The following GRIK2 variants were observed in gnomAD, a reference collection of about 807,000 sequenced individuals.
GRIK2 encodes glutamate ionotropic receptor kainate type subunit 2, also known as glutamate receptor ionotropic, kainate 2.
GRIK2 carries 32 observed loss-of-function variants against 100.3 expected under a neutral mutation model. The ratio of observed to expected loss-of-function variants is 0.32; its 90% CI spans 0.24 to 0.43. GRIK2 has a LOEUF of 0.43. GRIK2 is among the 20% of genes least tolerant of loss of function. GRIK2 has a pLI of 1.00. For synonymous variants in GRIK2, 417 were observed against 389.4 expected (o/e 1.07, Z -0.83); for missense variants, 843 against 1,114.9 (o/e 0.76, Z 3.47).
At chr6:101,477,655 C>T (rs1284504637) in intron 2 of GRIK2, among the ~76,000 whole-genome samples, 4 of 152,188 alleles carry the variant, frequency 2.6e-5, no homozygotes, top group Admixed American at 2.0e-4. Context: ...GCACTGTTCA[C>T]ACTTGTTTAG....
intron 2 of GRIK2, among the ~76,000 whole-genome samples, chr6:101,525,536 G>A (rs1775108743): frequency 6.6e-6 from 1 of 152,114 alleles, no homozygotes; most frequent in Non-Finnish European, 1.5e-5. Context: ...GCAACATATA[G>A]GATCTTAGTT....
intron 7 of GRIK2, among the ~76,000 whole-genome samples, chr6:101,777,018 A>G (rs1259072942): frequency 6.6e-6 from 1 of 152,212 alleles, no homozygotes; most frequent in Non-Finnish European, 1.5e-5. Flanking sequence ...ACACCTGCCT[A>G]TGCACCATGT....
intron 2 of GRIK2, among the ~76,000 whole-genome samples, chr6:101,473,149 C>CTTCA (rs1772043413): frequency 8.6e-6 from 1 of 116,670 alleles, no homozygotes. Flanking sequence ...TCCTTCCTTC[C>CTTCA]TTCTTTCCTT....
intron 7 of GRIK2, among the ~76,000 whole-genome samples, chr6:101,785,188 C>A (rs920490363): frequency 2.6e-5 from 4 of 151,614 alleles, no homozygotes; most frequent in African/African-American, 9.7e-5. Context: ...GTTTGAGCTT[C>A]TTTTATATTC....
chr6:101,642,681 A>G (rs1781333690), intron 4 of GRIK2, among the ~76,000 whole-genome samples: 1 of 151,744 alleles, frequency 6.6e-6, no homozygotes, highest in Non-Finnish European at 1.5e-5. Flanking sequence ...TATTATAAAT[A>G]ATGCTGCTAT....
chr6:102,010,991 A>C (rs1795503522), intron 14 of GRIK2, among the ~76,000 whole-genome samples: 1 of 152,136 alleles, frequency 6.6e-6, no homozygotes. Context: ...AAGCTGCTGT[A>C]AACATTCATG....
At chr6:101,932,012 G>A (rs937788018) in intron 14 of GRIK2, among the ~76,000 whole-genome samples, 1 of 152,058 alleles carries the variant, frequency 6.6e-6, no homozygotes, top group Non-Finnish European at 1.5e-5. Flanking sequence ...AAGGCTAGGA[G>A]AATGGAAGCC....
At chr6:101,622,196 A>G (rs1780197310) in intron 3 of GRIK2, 80 bp downstream of exon 3, 2 of 793,518 alleles carry the variant, frequency 2.5e-6, no homozygotes, top group Non-Finnish European at 4.1e-6. Flanking sequence ...TTATTTTTCA[A>G]CATACAGTTA....
chr6:101,670,633 C>G (rs1468143531), intron 4 of GRIK2, among the ~76,000 whole-genome samples: 2 of 152,084 alleles, frequency 1.3e-5, no homozygotes, highest in Non-Finnish European at 2.9e-5. Context: ...TAATATGTAA[C>G]TATATAACGC....
At chr6:101,873,881 G>A (rs1426707749) in intron 11 of GRIK2, among the ~76,000 whole-genome samples, 1 of 152,124 alleles carries the variant, frequency 6.6e-6, no homozygotes, top group Non-Finnish European at 1.5e-5. Context: ...TCTTTTGGCT[G>A]CATAAATGTC....
At position 102,025,039 on chromosome 6, in the gene GRIK2, G is replaced by A. The variant is rs140393332; in HGVS notation, c.2086-10302G>A. ...TCTTGGAATTTATATAGTCTAATCC[G>A]TTTATTCCACAATTGAACAAATTGA... On this transcript the variant is annotated intron_variant, in intron 14 of 16. Coordinates refer to ENST00000369134, the MANE Select transcript of GRIK2 (RefSeq NM_021956.5). Among the ~76,000 whole-genome samples, 13 of 150,966 alleles carry A rather than the reference G, an allele frequency of 8.6e-5. 1 individual carries two copies. Among genetic ancestry groups the A allele is most frequent in the African/African-American group, 2.9e-4 (12 of 41,332 alleles).
chr6:101,647,192 A>G (rs943490404), intron 4 of GRIK2, among the ~76,000 whole-genome samples: 4 of 151,994 alleles, frequency 2.6e-5, no homozygotes, highest in African/African-American at 9.7e-5. Flanking sequence ...ACCTGTTCAT[A>G]ACAGACACAA....
chr6:102,039,271 G>T (rs758936196), intron 15 of GRIK2, among the ~76,000 whole-genome samples: 1 of 151,480 alleles, frequency 6.6e-6, no homozygotes, highest in African/African-American at 2.4e-5. Context: ...TGATGTGAAA[G>T]TAAATGCTAA....
chr6:101,783,544 C>T (rs1440669423), intron 7 of GRIK2, among the ~76,000 whole-genome samples: 1 of 152,020 alleles, frequency 6.6e-6, no homozygotes, highest in South Asian at 2.1e-4. Flanking sequence ...ATAAAGATAA[C>T]CTGAAAATGT....
intron 7 of GRIK2, among the ~76,000 whole-genome samples, chr6:101,777,652 T>C (rs1287739276): frequency 2.6e-5 from 4 of 152,182 alleles, no homozygotes; most frequent in African/African-American, 9.7e-5. Flanking sequence ...CCAGAATTCA[T>C]AAACTTCTAT....
intron 2 of GRIK2, among the ~76,000 whole-genome samples, chr6:101,540,762 A>AT (rs1775946828): frequency 6.6e-6 from 1 of 151,958 alleles, no homozygotes; most frequent in Non-Finnish European, 1.5e-5. Flanking sequence ...TCTAATTTAA[A>AT]TTTCCTTGAT....
At chr6:102,045,499 A>G (rs1475878421) in intron 15 of GRIK2, among the ~76,000 whole-genome samples, 1 of 152,120 alleles carries the variant, frequency 6.6e-6, no homozygotes, top group East Asian at 1.9e-4. Context: ...GATGAGGTAC[A>G]AGATATCAGG....
At chr6:101,395,728 TTTC>T (rs1195096287) in intron 1 of GRIK2, among the ~76,000 whole-genome samples, 1 of 152,170 alleles carries the variant, frequency 6.6e-6, no homozygotes, top group Non-Finnish European at 1.5e-5. Context: ...TGATATGCAT[TTTC>T]TTCTTTGTCA....
chr6:102,042,985 A>G (rs928865228), intron 15 of GRIK2, among the ~76,000 whole-genome samples: 1 of 151,654 alleles, frequency 6.6e-6, no homozygotes, highest in Non-Finnish European at 1.5e-5. Context: ...GATATACAGA[A>G]TATTAATAAA....
Sources: allele counts gnomAD v4.1 joint callset (sites outside exome capture counted in the v4.1 genomes callset), GRCh38; gene constraint gnomAD v4.1.1; transcripts MANE v1.5; gene names NCBI Gene and HGNC (gene_info 2026-07-23, HGNC 2026-07-21).